SGK3: variants seen among roughly 807,000 people sequenced by gnomAD.
The protein encoded by SGK3 is serine/threonine-protein kinase Sgk3.
SGK3 carries 47 observed loss-of-function variants against 68.5 expected under a neutral mutation model. The ratio of observed to expected loss-of-function variants is 0.69; its 90% confidence interval spans 0.54 to 0.87. The LOEUF is 0.87. Ranked by LOEUF, SGK3 falls within the 40% of genes least tolerant of loss-of-function variation. The pLI is 0.00. For synonymous variants in SGK3, 181 were observed against 189.1 expected (o/e 0.96, Z 0.35); for missense variants, 479 against 575.5 (o/e 0.83, Z 1.72).
chr8:66,755,614 T>TC (rs61152552), intron 1 of SGK3, among the ~76,000 whole-genome samples: 18,871 of 151,980 alleles, frequency 0.12, 2,168 homozygotes, highest in African/African-American at 0.3. Context: ...TCTCTGAAAC[T>TC]CCCCCATTTT....
At chr8:66,773,496 A>G (rs999733118) in intron 1 of SGK3, among the ~76,000 whole-genome samples, 1 of 152,204 alleles carries the variant, frequency 6.6e-6, no homozygotes, top group Non-Finnish European at 1.5e-5. Flanking sequence ...TTTTTCCTAT[A>G]TATACATGCC....
In SGK3 at chr8:66,804,305, G is replaced by C. The variant is rs568341287; in HGVS notation, c.181-70G>C. 1.9e-5 allele frequency: 25 copies of C among 1,286,302 alleles called. No homozygotes were observed. In the South Asian group the frequency reaches 3.2e-4, roughly 16 times the overall value. The allele number at this position is 1,286,302 out of a possible 1,614,324, so 79.7% of individuals were successfully genotyped here. On this transcript the variant is annotated intron_variant, in intron 3 of 16. Transcript: ENST00000521198. ...TTTTCTTTAAAATAAGATTGTATTT[G>C]GCTTTGATGTGTGCATAACTAGAAG...
intron 1 of SGK3, among the ~76,000 whole-genome samples, chr8:66,727,804 A>G (rs974237028): frequency 6.6e-6 from 1 of 152,204 alleles, no homozygotes; most frequent in Non-Finnish European, 1.5e-5. Context: ...TAAATTACCC[A>G]GTGTCAGGTA....
chr8:66,803,006 A>G (rs1272827858), intron 3 of SGK3, among the ~76,000 whole-genome samples: 1 of 152,238 alleles, frequency 6.6e-6, no homozygotes, highest in Non-Finnish European at 1.5e-5. Context: ...CTTAAAAACA[A>G]AACATATACA....
intron 1 of SGK3, among the ~76,000 whole-genome samples, chr8:66,785,410 G>T (rs1189946532): frequency 6.6e-6 from 1 of 152,170 alleles, no homozygotes. Flanking sequence ...AGATGTGAGC[G>T]CTTAAAACAG....
chr8:66,768,095 T>C, intron 1 of SGK3: 1 of 474,884 alleles, frequency 2.1e-6, no homozygotes, highest in Non-Finnish European at 3.9e-6. Flanking sequence ...ACATCACTTA[T>C]AGAATACTTA....
chr8:66,722,571 C>T (rs921643857), intron 1 of SGK3, among the ~76,000 whole-genome samples: 5 of 152,240 alleles, frequency 3.3e-5, no homozygotes, highest in African/African-American at 1.2e-4. Context: ...CGTGCCCAGC[C>T]TCTGCAAAGA....
At chr8:66,776,723 C>A (rs1806727288) in intron 1 of SGK3, among the ~76,000 whole-genome samples, 1 of 152,206 alleles carries the variant, frequency 6.6e-6, no homozygotes, top group Non-Finnish European at 1.5e-5. Context: ...GCTTTCCTTT[C>A]CAGCACTATC....
At chr8:66,771,253 T>C (rs1310312978) in intron 1 of SGK3, among the ~76,000 whole-genome samples, 1 of 152,238 alleles carries the variant, frequency 6.6e-6, no homozygotes, top group East Asian at 1.9e-4. Context: ...ATTTAGTCTA[T>C]TTAATGCTTC....
chr8:66,789,546 G>A (rs1807351262), intron 1 of SGK3, among the ~76,000 whole-genome samples: 1 of 152,152 alleles, frequency 6.6e-6, no homozygotes, highest in African/African-American at 2.4e-5. Flanking sequence ...GGTCCTATTG[G>A]ACCCACTGTG....
At chr8:66,828,283 G>C (rs1809149193) in intron 6 of SGK3, among the ~76,000 whole-genome samples, 1 of 152,090 alleles carries the variant, frequency 6.6e-6, no homozygotes, top group Non-Finnish European at 1.5e-5. Flanking sequence ...TTGAAAACTT[G>C]AAAAACAAAA....
At chr8:66,776,025 GC>G (rs754224935) in intron 1 of SGK3, among the ~76,000 whole-genome samples, 38 of 152,182 alleles carry the variant, frequency 2.5e-4, no homozygotes, top group Non-Finnish European at 5.1e-4. Context: ...ATAAACTTTG[GC>G]TGTTTTCTTT....
At chr8:66,748,194 A>G (rs987489022) in intron 1 of SGK3, among the ~76,000 whole-genome samples, 1 of 152,210 alleles carries the variant, frequency 6.6e-6, no homozygotes, top group African/African-American at 2.4e-5. Context: ...AGTCAAAGCT[A>G]GCAGTAGAAA....
Position 66,836,068 on chromosome 8 carries a change from A to AG in SGK3, c.739dup (p.Glu247GlyfsTer14). 6.2e-7 allele frequency: 1 copy of AG among 1,611,064 alleles called. No homozygotes were observed. Among genetic ancestry groups the AG allele is most frequent in the Non-Finnish European group, 8.5e-7 (1 of 1,178,878 alleles). ...ATTTTGTTCTGGATTTTGTTAATGG[A>AG]GGGGAGGTGAGTTTTATAATGAGTT... On this transcript the variant is annotated frameshift_variant, in exon 10 of 17. Coordinates refer to ENST00000521198, the MANE Select transcript of SGK3 (RefSeq NM_001033578.3). LOFTEE classifies it high-confidence loss of function.
At chr8:66,764,751 A>G (rs1585683752) in intron 1 of SGK3, among the ~76,000 whole-genome samples, 1 of 152,198 alleles carries the variant, frequency 6.6e-6, no homozygotes, top group East Asian at 1.9e-4. Context: ...CTATGGAGCT[A>G]AGTGTCTGTA....
intron 1 of SGK3, among the ~76,000 whole-genome samples, chr8:66,716,290 G>T (rs1465651254): frequency 6.6e-6 from 1 of 152,104 alleles, no homozygotes; most frequent in Admixed American, 6.6e-5. Flanking sequence ...TTAACTCAAT[G>T]CTAACTTTCA....
At chr8:66,804,566 A>G in intron 4 of SGK3, 119 bp downstream of exon 4, 1 of 1,038,154 alleles carries the variant, frequency 9.6e-7, no homozygotes, top group East Asian at 2.6e-5. Flanking sequence ...TGCTCTGTGA[A>G]AATAATGCCG....
At chr8:66,792,597 G>T (rs966865595) in intron 1 of SGK3, among the ~76,000 whole-genome samples, 4 of 152,118 alleles carry the variant, frequency 2.6e-5, no homozygotes, top group African/African-American at 9.7e-5. Flanking sequence ...GTATTATTTA[G>T]TCTGGGTGCG....
At chr8:66,787,135 G>A (rs1807241898) in intron 1 of SGK3, among the ~76,000 whole-genome samples, 1 of 151,418 alleles carries the variant, frequency 6.6e-6, no homozygotes, top group South Asian at 2.1e-4. Flanking sequence ...GTAGAGACGG[G>A]GTTTCACCAT....
Sources: allele counts gnomAD v4.1 joint callset (sites outside exome capture counted in the v4.1 genomes callset), GRCh38; gene constraint gnomAD v4.1.1; transcripts MANE v1.5; gene names NCBI Gene and HGNC (gene_info 2026-07-23, HGNC 2026-07-21).